Variants in CTNND2 observed in about 807,000 individuals in gnomAD.
The protein encoded by CTNND2 is catenin delta 2, also known as catenin delta-2.
CTNND2 carries 22 observed loss-of-function variants against 144.4 expected under a neutral mutation model. The ratio of observed to expected loss-of-function variants is 0.15; its 90% CI spans 0.11 to 0.22. The LOEUF (loss-of-function observed/expected upper bound fraction) is 0.22. CTNND2 is among the 10% of genes least tolerant of loss of function. The probability of loss-of-function intolerance (pLI) is 1.00; values close to 1 mark genes in which losing one functional copy is unlikely to be tolerated. For missense variants in CTNND2, 1,353 were observed against 1,618.8 expected (o/e 0.84, Z 2.82); for synonymous variants, 751 against 695.6 (o/e 1.08, Z -1.25).
chr5:11,245,287 A>G (rs889368772), intron 9 of CTNND2, among the ~76,000 whole-genome samples: 1 of 152,180 alleles, frequency 6.6e-6, no homozygotes, highest in Non-Finnish European at 1.5e-5. Flanking sequence ...GTGGCCCCCA[A>G]CGTTATCCAG....
At chr5:11,597,037 T>A (rs1779541354) in intron 2 of CTNND2, among the ~76,000 whole-genome samples, 4 of 152,138 alleles carry the variant, frequency 2.6e-5, no homozygotes, top group Admixed American at 2.6e-4. Flanking sequence ...CCCAAACAAG[T>A]CCAGCGGAAT....
At chr5:11,822,219 T>C (rs544300007) in intron 1 of CTNND2, among the ~76,000 whole-genome samples, 1 of 152,304 alleles carries the variant, frequency 6.6e-6, no homozygotes, top group South Asian at 2.1e-4. Context: ...TCCTGACCTC[T>C]CTGTTACACC....
chr5:11,858,731 C>T (rs1340761040), intron 1 of CTNND2, among the ~76,000 whole-genome samples: 1 of 152,166 alleles, frequency 6.6e-6, no homozygotes, highest in Non-Finnish European at 1.5e-5. Context: ...AGATGGAGAC[C>T]ATCCTGGCTA....
At chr5:11,698,781 G>A (rs1041944587) in intron 2 of CTNND2, among the ~76,000 whole-genome samples, 53 of 151,944 alleles carry the variant, frequency 3.5e-4, no homozygotes, top group African/African-American at 9.9e-4. Flanking sequence ...TACCACAACA[G>A]AGTTTAAAGT....
chr5:11,795,070 C>T (rs962427694), intron 1 of CTNND2, among the ~76,000 whole-genome samples: 1 of 152,102 alleles, frequency 6.6e-6, no homozygotes, highest in Admixed American at 6.5e-5. Flanking sequence ...CTTCAGGGAC[C>T]ATAAATATTC....
At chr5:11,048,243 A>G (rs1745486210) in intron 16 of CTNND2, among the ~76,000 whole-genome samples, 1 of 152,178 alleles carries the variant, frequency 6.6e-6, no homozygotes, top group African/African-American at 2.4e-5. Flanking sequence ...GAACAAATAA[A>G]ACAGGACCCC....
intron 2 of CTNND2, among the ~76,000 whole-genome samples, chr5:11,600,628 C>A (rs1274430384): frequency 1.3e-5 from 2 of 150,354 alleles, no homozygotes; most frequent in African/African-American, 4.9e-5. Flanking sequence ...ATTGCTTGAA[C>A]CTGGGAGGCA....
intron 2 of CTNND2, among the ~76,000 whole-genome samples, chr5:11,613,480 A>G (rs1581608384): frequency 6.6e-6 from 1 of 152,182 alleles, no homozygotes; most frequent in South Asian, 2.1e-4. Flanking sequence ...TTCATGAAAA[A>G]CCACCACTAG....
chr5:11,786,202 C>T (rs1790822802), intron 1 of CTNND2, among the ~76,000 whole-genome samples: 1 of 152,202 alleles, frequency 6.6e-6, no homozygotes, highest in South Asian at 2.1e-4. Flanking sequence ...ACAGGGGCTG[C>T]TTTTTCTTTC....
chr5:11,288,883 C>A (rs984342333), intron 9 of CTNND2, among the ~76,000 whole-genome samples: 8 of 151,742 alleles, frequency 5.3e-5, no homozygotes, highest in Non-Finnish European at 7.4e-5. Flanking sequence ...AGATTCTGTA[C>A]TGCAAGATAT....
chr5:11,174,676 T>C (rs796642460), intron 11 of CTNND2, among the ~76,000 whole-genome samples: 2 of 152,192 alleles, frequency 1.3e-5, no homozygotes, highest in Non-Finnish European at 2.9e-5. Flanking sequence ...TTGATCATTA[T>C]GGCACGTATT....
At chr5:11,736,298 A>T (rs1375236268) in intron 1 of CTNND2, among the ~76,000 whole-genome samples, 1 of 152,236 alleles carries the variant, frequency 6.6e-6, no homozygotes. Flanking sequence ...TGACCCACAC[A>T]GTATGGGGAA....
chr5:11,232,137 G>A (rs1438575372), intron 10 of CTNND2, among the ~76,000 whole-genome samples: 1 of 152,256 alleles, frequency 6.6e-6, no homozygotes, highest in Admixed American at 6.5e-5. Flanking sequence ...CCAGGCAGAG[G>A]TTTGTTGCAG....
At chr5:11,278,618 G>T (rs1435177597) in intron 9 of CTNND2, among the ~76,000 whole-genome samples, 2 of 152,198 alleles carry the variant, frequency 1.3e-5, no homozygotes, top group Non-Finnish European at 2.9e-5. Context: ...GAGGAGACAG[G>T]GGGAGGGGAT....
chr5:11,574,426 C>T (rs1777815348), intron 2 of CTNND2, among the ~76,000 whole-genome samples: 1 of 152,018 alleles, frequency 6.6e-6, no homozygotes, highest in Non-Finnish European at 1.5e-5. Flanking sequence ...GTTCAGAAAC[C>T]CATTGCTTCC....
intron 1 of CTNND2, among the ~76,000 whole-genome samples, chr5:11,754,011 T>C (rs1396499958): frequency 6.6e-6 from 1 of 151,560 alleles, no homozygotes; most frequent in Non-Finnish European, 1.5e-5. Context: ...TTCTTGGGGG[T>C]CAGTGGTAAT....
intron 15 of CTNND2, among the ~76,000 whole-genome samples, chr5:11,094,125 G>A (rs926600386): frequency 3.3e-5 from 5 of 152,074 alleles, no homozygotes; most frequent in South Asian, 4.1e-4. Flanking sequence ...TCAGCCTCTC[G>A]TCATGCCTGA....
chr5:11,044,980 G>T (rs1179138878), intron 16 of CTNND2, among the ~76,000 whole-genome samples: 1 of 152,234 alleles, frequency 6.6e-6, no homozygotes, highest in Non-Finnish European at 1.5e-5. Flanking sequence ...GACTGCTTCA[G>T]TGGATTATTA....
Position 10,988,494 on chromosome 5 carries a change from TCCTGGGGC to T in CTNND2, c.3212-260_3212-253del, listed in dbSNP as rs1296691626. 6.6e-6 allele frequency among the ~76,000 whole-genome samples: 1 copy of T among 152,168 alleles called. No homozygotes were observed. The highest frequency in any genetic ancestry group is 2.4e-5 in the African/African-American group (1 of 41,442). On this transcript the variant is annotated intron_variant, in intron 19 of 21. Coordinates refer to ENST00000304623, the MANE Select transcript of CTNND2 (RefSeq NM_001332.4). The surrounding 1 kb of genome is among the most constrained non-coding windows in gnomAD (Gnocchi z 5.9). ...TGGAGGCTGGCAACTGGGGACCACA[TCCTGGGGC>T]CATCTTCCTCAGAGAGAGATCATGG...
Sources: allele counts gnomAD v4.1 joint callset (sites outside exome capture counted in the v4.1 genomes callset), GRCh38; gene constraint gnomAD v4.1.1; non-coding constraint Gnocchi (gnomAD v3.1); transcripts MANE v1.5; gene names NCBI Gene and HGNC (gene_info 2026-07-23, HGNC 2026-07-21).